Variants in CRELD2 observed in about 807,000 individuals in gnomAD.
CRELD2 encodes CRELD disulfide isomerase 2, also known as protein disulfide isomerase CRELD2.
CRELD2 carries 33 observed loss-of-function variants against 48.1 expected under a neutral mutation model. The observed-to-expected ratio is 0.69, with a 90% confidence interval of 0.52 to 0.92. The LOEUF (loss-of-function observed/expected upper bound fraction) is 0.92. Among genes scored for constraint, CRELD2 ranks in the 40% least tolerant of loss-of-function variants. The probability of loss-of-function intolerance (pLI) is 0.00; values close to 1 mark genes in which losing one functional copy is unlikely to be tolerated. For synonymous variants in CRELD2, 220 were observed against 203.9 expected, an observed-to-expected ratio of 1.08 and a Z score of -0.67; for missense variants, 477 against 482.4, an observed-to-expected ratio of 0.99 and a Z score of 0.10.
chr22:49,918,852 C>A lies in CRELD2; in HGVS notation c.83C>A (p.Pro28Gln). The A allele has an allele frequency of 7.6e-7, 1 of 1,317,584 alleles. No individual in the cohort carries two copies. Among genetic ancestry groups the A allele is most frequent in the Non-Finnish European group, 9.6e-7 (1 of 1,036,782 alleles). 81.6% of individuals were successfully genotyped at this position (1,317,584 alleles called of 1,614,324 possible). A position where few individuals can be genotyped will look rare whatever the true frequency, so the allele number is the denominator to read the frequency against. ...LPPAPEAAKK[P>Q]TPCHRCRGLV... ...CCCGCGCCGGAGGCCGCCAAGAAGC[C>A]GACGCCCTGCCACCGGTGCCGGGGG... The change falls in exon 1 of 10, where the codon CCG (proline) becomes CAG (glutamine). Residue 28 changes from proline to glutamine, a missense_variant. Physicochemically the swap from Pro to Gln is moderately conservative, Grantham distance 76. Transcript: ENST00000328268.
At chr22:49,924,279 C>A in intron 7 of CRELD2, 81 bp from the exon 8 acceptor site, 1 of 964,570 alleles carries the variant, frequency 1.0e-6, no homozygotes, top group Non-Finnish European at 1.6e-6. Context: ...CCTGGCGGCA[C>A]CGGTGCCTTG....
Position 49,920,216 on chromosome 22 carries a change from C to T in CRELD2, c.384C>T (p.Cys128=). The T allele has an allele frequency of 6.2e-7, 1 of 1,613,104 alleles. No individual in the cohort carries two copies. ...WFCVKTLKVC[C]SPGTYGPDCL... Reference sequence around the variant, plus strand: ...GTGTGAAGACACTGAAAGTGTGCTGCTCTCCAGGAACCTACGGTCCCGACT... The same window carrying T: ...GTGTGAAGACACTGAAAGTGTGCTGTTCTCCAGGAACCTACGGTCCCGACT... The change falls in exon 4 of 10, where the codon TGC becomes TGT. Residue 128 remains cysteine (C), a synonymous_variant. Coordinates refer to ENST00000328268, the MANE Select transcript of CRELD2 (RefSeq NM_024324.5).
At chr22:49,921,095 G>A (rs1426771838) in intron 4 of CRELD2, among the ~76,000 whole-genome samples, 2 of 150,964 alleles carry the variant, frequency 1.3e-5, no homozygotes, top group Admixed American at 6.6e-5. Flanking sequence ...CCTAGATGGT[G>A]CAGCCGCTCT....
intron 5 of CRELD2, chr22:49,922,305 G>C: frequency 8.1e-7 from 1 of 1,228,978 alleles, no homozygotes; most frequent in Non-Finnish European, 1.1e-6. Context: ...AGTCAGGACC[G>C]GCCTCTCCGA....
intron 7 of CRELD2, chr22:49,923,568 GC>G (rs939109582): frequency 3.2e-5 from 19 of 598,874 alleles, no homozygotes; most frequent in Non-Finnish European, 4.0e-5. Context: ...CACTGCTCGT[GC>G]CCCCCCAGCG....
At chr22:49,919,419 G>A in intron 2 of CRELD2, 107 bp downstream of exon 2, 5 of 1,032,870 alleles carry the variant, frequency 4.8e-6, no homozygotes, top group Non-Finnish European at 4.4e-6. Flanking sequence ...AACAGCCCCC[G>A]AGGCACCAGT....
rs571674469 is a variant in CRELD2, at chr22:49,924,281, G to A, written c.773-79G>A. 111 of 975,568 alleles carry A rather than the reference G, an allele frequency of 1.1e-4. 1 individual carries two copies. The South Asian group carries it at 1.4e-3, about 13-fold the overall frequency. The allele number at this position is 975,568 out of a possible 1,614,324, so 60.4% of individuals were successfully genotyped here. ...AGAAAACCCAAATCCTGGCGGCACC[G>A]GTGCCTTGTGCATGTCGGGGTCTGA... is the stretch of plus-strand genomic sequence containing the variant. On this transcript the variant is annotated intron_variant, in intron 7 of 9. Coordinates refer to ENST00000328268, the MANE Select transcript of CRELD2 (RefSeq NM_024324.5).
rs1226156713 is a variant in CRELD2 at position 49,920,205 on chromosome 22, A to G, written c.373A>G (p.Lys125Glu). The stretch of plus-strand genomic sequence containing the variant: ...CGAGTGGTTTTGTGTGAAGACACTG[A>G]AAGTGTGCTGCTCTCCAGGAACCTA... ...LFEWFCVKTL[K>E]VCCSPGTYGP... Residue 125 changes from lysine to glutamate, a missense_variant, in exon 4 of 10, where the codon AAA becomes GAA. Transcript: ENST00000328268. The G allele has an allele frequency of 1.9e-6, 3 of 1,613,226 alleles. No homozygotes were observed. Among genetic ancestry groups the G allele is most frequent in the African/African-American group, 1.3e-5 (1 of 74,790 alleles).
At chr22:49,920,944 A>G (rs1397696966) in intron 4 of CRELD2, among the ~76,000 whole-genome samples, 1 of 152,186 alleles carries the variant, frequency 6.6e-6, no homozygotes, top group African/African-American at 2.4e-5. Flanking sequence ...CCCTATCACC[A>G]TGTTTCAGCT....
intron 6 of CRELD2, among the ~76,000 whole-genome samples, chr22:49,922,914 T>TGGGGCTTGGGGTGGG (rs2060715184): frequency 2.4e-5 from 1 of 41,266 alleles, no homozygotes; most frequent in African/African-American, 8.8e-5. Context: ...GCGTGAGGTG[T>TGGGGCTTGGGGTGGG]GGGGGCGTGA....
Position 49,919,188 on chromosome 22 carries a change from G to A in CRELD2, c.130-42G>A, listed in dbSNP as rs778238672. 5 of 1,595,548 alleles carry A rather than the reference G, an allele frequency of 3.1e-6. No individual in the cohort carries two copies. The South Asian group carries it at 4.4e-5, about 14-fold the overall frequency. ...TGGGCTCGCCCCCACCCTGGACCCGGGTCAGGTGGTACCAAGCACTATGGG... is the reference window on the plus strand; with the variant it reads ...TGGGCTCGCCCCCACCCTGGACCCGAGTCAGGTGGTACCAAGCACTATGGG... On this transcript the variant is annotated intron_variant, in intron 1 of 9. Transcript: ENST00000328268.
intron 5 of CRELD2, chr22:49,922,368 G>T: frequency 6.2e-7 from 1 of 1,610,966 alleles, no homozygotes; most frequent in Non-Finnish European, 8.5e-7. Flanking sequence ...CGTGGGCCAC[G>T]CATGGATCCG....
intron 2 of CRELD2, 97 bp from the exon 3 acceptor site, chr22:49,919,633 C>T (rs2146635366): frequency 1.1e-6 from 1 of 883,820 alleles, no homozygotes; most frequent in East Asian, 2.7e-5. Flanking sequence ...GGAGTCCTGG[C>T]TCCCCGGCCC....
intron 5 of CRELD2, 38 bp downstream of exon 5, chr22:49,921,799 G>T: frequency 6.3e-7 from 1 of 1,576,864 alleles, no homozygotes; most frequent in Non-Finnish European, 8.6e-7. Context: ...GGGTTGAGGC[G>T]GGATGACAAG....
intron 5 of CRELD2, chr22:49,922,314 G>A (rs542695980): frequency 1.1e-5 from 14 of 1,238,790 alleles, no homozygotes; most frequent in South Asian, 7.7e-5. Context: ...CGGCCTCTCC[G>A]ATTCTTACCC....
At chr22:49,924,172 C>A in intron 7 of CRELD2, 188 bp from the exon 8 acceptor site, 1 of 519,806 alleles carries the variant, frequency 1.9e-6, no homozygotes, top group Non-Finnish European at 3.5e-6. Flanking sequence ...TCCGGGAGCA[C>A]CTGCTGCACA....
intron 7 of CRELD2, 62 bp downstream of exon 7, chr22:49,923,379 A>T: frequency 7.9e-7 from 1 of 1,273,076 alleles, no homozygotes; most frequent in Non-Finnish European, 1.1e-6. Context: ...GCCTTTGTCA[A>T]CATTCATTTA....
Position 49,919,741 on chromosome 22 carries a change from T to G in CRELD2, c.224T>G (p.Leu75Arg). 6.2e-7 allele frequency: 1 copy of G among 1,608,752 alleles called. No individual in the cohort carries two copies. The highest frequency in any genetic ancestry group is 2.2e-5 in the East Asian group (1 of 44,790). Residue 75 changes from leucine (L) to arginine (R), a missense_variant, in exon 3 of 10, where the codon CTG becomes CGG. By Grantham distance (102) the Leu-to-Arg change is moderately radical. Coordinates refer to ENST00000328268, the MANE Select transcript of CRELD2 (RefSeq NM_024324.5). ...LSKYESSEIRLLEILEGLCES... is the reference protein window; with the variant it reads ...LSKYESSEIRRLEILEGLCES... ...GGCCTGTGTTTCAGCGAGATTCGCC[T>G]GCTGGAGATCCTGGAGGGGCTGTGC...
At chr22:49,919,376 C>A (rs1341095149) in intron 2 of CRELD2, 64 bp downstream of exon 2, 3 of 1,430,274 alleles carry the variant, frequency 2.1e-6, no homozygotes, top group African/African-American at 1.4e-5. Flanking sequence ...TCGTGTCCTG[C>A]CTTTGGTGCC....
Sources: gnomAD v4.1 joint callset for allele counts (sites outside exome capture counted in the v4.1 genomes callset) on GRCh38, gnomAD v4.1.1 for gene constraint, MANE v1.5 for transcripts, NCBI Gene and HGNC (gene_info 2026-07-23, HGNC 2026-07-21) for gene names.